The following USH2A variants were observed in gnomAD, a reference collection of about 807,000 sequenced individuals.
USH2A encodes Usher syndrome 2A (autosomal recessive, mild).
A neutral mutation model predicts 538.9 loss-of-function variants in USH2A; 443 were observed. The ratio of observed to expected loss-of-function variants is 0.82; its 90% CI spans 0.76 to 0.89. The LOEUF (loss-of-function observed/expected upper bound fraction) is 0.89, where lower values mean the gene tolerates loss of function less well. USH2A is among the 40% of genes least tolerant of loss of function. USH2A has a pLI of 0.00. For synonymous variants in USH2A, 2,413 were observed against 2,273.5 expected (o/e 1.06, Z -1.75); for missense variants, 6,633 against 6,324.8 (o/e 1.05, Z -1.65).
At chr1:215,787,006 T>G (rs1442144601) in intron 51 of USH2A, 132 bp from the exon 52 acceptor site, 2 of 844,832 alleles carry the variant, frequency 2.4e-6, no homozygotes, top group African/African-American at 3.4e-5. Flanking sequence ...ATTTCAAAAT[T>G]TATAAAAAGA....
chr1:216,242,265 A>G (rs968461751), intron 13 of USH2A, among the ~76,000 whole-genome samples: 44 of 151,362 alleles, frequency 2.9e-4, no homozygotes, highest in African/African-American at 1.0e-3. Flanking sequence ...GGAGAATGAC[A>G]TGAACCTGGG....
At position 216,278,444 on chromosome 1, in the gene USH2A, T is replaced by A. The variant is rs1450255438; in HGVS notation, c.1971+10836A>T. ...ATACCCCAGGACCTTTGTTCCTGTC[T>A]TTGTGAATCTCATCCTCTACAATCT... On this transcript the variant is annotated intron_variant, in intron 11 of 71. Coordinates refer to ENST00000307340, the MANE Select transcript of USH2A (RefSeq NM_206933.4). Among the ~76,000 whole-genome samples the A allele has an allele frequency of 2.0e-5, 3 of 152,196 alleles. No homozygotes were observed. In the East Asian group the frequency reaches 5.8e-4, roughly 29 times the overall value.
chr1:215,965,401 G>C lies in USH2A; in HGVS notation c.7036C>G (p.His2346Asp), dbSNP rs1210702210. 6.2e-7 allele frequency: 1 copy of C among 1,613,848 alleles called. No individual in the cohort carries two copies. Among genetic ancestry groups the C allele is most frequent in the South Asian group, 1.1e-5 (1 of 91,062 alleles). The change falls in exon 37 of 72, where the codon CAC (histidine) becomes GAC (aspartate). Residue 2346 changes from histidine (H) to aspartate (D), a missense_variant. Physicochemically the swap from His to Asp is moderately conservative, Grantham distance 81. Transcript: ENST00000307340. ...FVKTQGSRKA[H>D]VRWEAPFRPN... ...CGAAAAGGTGCTTCCCACCTCACGTGGGCTTTCCGGGATCCCTGTGTTTTG... is the reference window on the plus strand; with the variant it reads ...CGAAAAGGTGCTTCCCACCTCACGTCGGCTTTCCGGGATCCCTGTGTTTTG...
intron 15 of USH2A, 73 bp from the exon 16 acceptor site, chr1:216,207,504 C>G (rs2035141986): frequency 6.3e-7 from 1 of 1,577,122 alleles, no homozygotes; most frequent in South Asian, 1.1e-5. Context: ...AGTAAGATAT[C>G]CAGCAAAGAG....
chr1:216,279,494 T>A (rs1239623382), intron 11 of USH2A, among the ~76,000 whole-genome samples: 1 of 152,130 alleles, frequency 6.6e-6, no homozygotes, highest in Non-Finnish European at 1.5e-5. Flanking sequence ...TACAGTGTTC[T>A]AACTCCTTGG....
chr1:216,214,733 C>T (rs1007304827), intron 15 of USH2A, among the ~76,000 whole-genome samples: 1 of 151,782 alleles, frequency 6.6e-6, no homozygotes, highest in Non-Finnish European at 1.5e-5. Flanking sequence ...AAAAGGAGAG[C>T]TAGAAGAGGC....
intron 21 of USH2A, among the ~76,000 whole-genome samples, chr1:216,138,624 A>T (rs2033535408): frequency 6.6e-6 from 1 of 152,122 alleles, no homozygotes; most frequent in South Asian, 2.1e-4. Context: ...ATTGACTTCA[A>T]CCTGATCACT....
chr1:216,062,120 AG>A (rs1350380382), intron 30 of USH2A, among the ~76,000 whole-genome samples: 3 of 152,230 alleles, frequency 2.0e-5, no homozygotes, highest in Non-Finnish European at 2.9e-5. Context: ...ACTTGAAAGA[AG>A]GATAAGGATA....
intron 13 of USH2A, among the ~76,000 whole-genome samples, chr1:216,237,539 C>A (rs551120239): frequency 2.7e-5 from 4 of 150,560 alleles, no homozygotes; most frequent in Non-Finnish European, 5.9e-5. Flanking sequence ...AAGTTCCACT[C>A]TTTCAGAGTA....
At chr1:216,042,312 G>A (rs1352410098) in intron 32 of USH2A, among the ~76,000 whole-genome samples, 1 of 151,764 alleles carries the variant, frequency 6.6e-6, no homozygotes, top group Non-Finnish European at 1.5e-5. Flanking sequence ...TTACTTGTCT[G>A]CATGTTTTAA....
intron 21 of USH2A, among the ~76,000 whole-genome samples, chr1:216,141,183 C>T (rs188855387): frequency 6.6e-6 from 1 of 152,308 alleles, no homozygotes; most frequent in African/African-American, 2.4e-5. Context: ...TCCTGCAACT[C>T]TAATTAAGAT....
At chr1:216,076,630 G>T (rs1223329800) in intron 27 of USH2A, among the ~76,000 whole-genome samples, 2 of 152,002 alleles carry the variant, frequency 1.3e-5, no homozygotes, top group African/African-American at 4.8e-5. Context: ...GCTCTTATAT[G>T]AATGTAATAT....
intron 58 of USH2A, among the ~76,000 whole-genome samples, chr1:215,747,334 TA>T (rs1370480098): frequency 6.6e-6 from 1 of 152,150 alleles, no homozygotes; most frequent in East Asian, 1.9e-4. Flanking sequence ...ATTAAATGCC[TA>T]AAAAATAACT....
rs1553318102 is a variant in USH2A, at chr1:216,231,249, T to TAA, written c.2993+703_2993+704insTT. Reference sequence around the variant, plus strand: ...CATATATCCCATATATATATATATATTATATATATAATATATATATATAAT... The same window carrying TAA: ...CATATATCCCATATATATATATATATAATATATATATAATATATATATATAAT... On this transcript the variant is annotated intron_variant, in intron 14 of 71. Transcript: ENST00000307340. Among the ~76,000 whole-genome samples, 21 of 83,758 alleles carry TAA rather than the reference T, an allele frequency of 2.5e-4. 1 individual carries two copies. The highest frequency in any genetic ancestry group is 9.1e-4 in the African/African-American group (20 of 21,950). The allele number at this position is 83,758 out of a possible 152,430, so 54.9% of individuals were successfully genotyped here.
chr1:215,715,150 C>A (rs191947530), intron 61 of USH2A, among the ~76,000 whole-genome samples: 3 of 152,310 alleles, frequency 2.0e-5, no homozygotes, highest in African/African-American at 4.8e-5. Context: ...CCCTCACCCC[C>A]CTAATAGGCC....
intron 35 of USH2A, among the ~76,000 whole-genome samples, chr1:215,989,900 A>G (rs1008943937): frequency 2.0e-5 from 3 of 152,142 alleles, no homozygotes; most frequent in Non-Finnish European, 4.4e-5. Context: ...GGGTATTTTG[A>G]TGATAACCGA....
chr1:215,963,453 A>T (rs1226590180), intron 37 of USH2A, among the ~76,000 whole-genome samples: 1 of 152,028 alleles, frequency 6.6e-6, no homozygotes, highest in Non-Finnish European at 1.5e-5. Flanking sequence ...TACCGCAAAA[A>T]TTCTTTAAGT....
intron 5 of USH2A, 68 bp from the exon 6 acceptor site, chr1:216,325,667 T>C: frequency 6.8e-7 from 1 of 1,461,382 alleles, no homozygotes; most frequent in Middle Eastern, 1.8e-4. Flanking sequence ...TAGGAGTCGT[T>C]ACAAATGAAT....
chr1:216,371,652 C>T (rs1228757432), intron 3 of USH2A, among the ~76,000 whole-genome samples: 1 of 152,220 alleles, frequency 6.6e-6, no homozygotes. Context: ...CCTATTGCTC[C>T]GAGCTGTCAA....
Sources: gnomAD v4.1 joint callset for allele counts (sites outside exome capture counted in the v4.1 genomes callset) on GRCh38, gnomAD v4.1.1 for gene constraint, MANE v1.5 for transcripts, NCBI Gene and HGNC (gene_info 2026-07-23, HGNC 2026-07-21) for gene names.